Variants in CTDSPL2 observed in about 807,000 individuals in gnomAD.
CTDSPL2 encodes CTD small phosphatase like 2, also known as CTD small phosphatase-like protein 2.
CTDSPL2 carries 5 observed loss-of-function variants against 60.0 expected under a neutral mutation model. The observed-to-expected ratio is 0.08, with a 90% CI of 0.04 to 0.18. The LOEUF (loss-of-function observed/expected upper bound fraction) is 0.18, where lower values mean the gene tolerates loss of function less well. CTDSPL2 is among the 10% of genes least tolerant of loss of function. The probability of loss-of-function intolerance (pLI) is 1.00; values close to 1 mark genes in which losing one functional copy is unlikely to be tolerated. For missense variants in CTDSPL2, 370 were observed against 548.8 expected, an observed-to-expected ratio of 0.67 and a Z score of 3.26; for synonymous variants, 186 against 189.3, an observed-to-expected ratio of 0.98 and a Z score of 0.14.
intron 6 of CTDSPL2, among the ~76,000 whole-genome samples, chr15:44,496,696 A>G (rs919449551): frequency 1.3e-5 from 2 of 152,094 alleles, no homozygotes; most frequent in African/African-American, 4.8e-5. Context: ...CCTCGTCCCT[A>G]TAAAAAATAC....
At chr15:44,467,366 T>C (rs774714092) in intron 2 of CTDSPL2, among the ~76,000 whole-genome samples, 1 of 152,214 alleles carries the variant, frequency 6.6e-6, no homozygotes, top group Admixed American at 6.5e-5. Context: ...GTAGCAGTGG[T>C]GAGAACAACA....
In CTDSPL2 at chr15:44,444,008, T is replaced by A. The variant is rs564265858; in HGVS notation, c.-24-14983T>A. On this transcript the variant is annotated intron_variant, in intron 1 of 12. Coordinates refer to ENST00000260327, the MANE Select transcript of CTDSPL2 (RefSeq NM_016396.3). The stretch of plus-strand genomic sequence containing the variant: ...CTCTTGAACTCCTGAGTTCAAGGGA[T>A]CCTCCCACCTCAGCTTCCCAAGTAG... 3.6e-4 allele frequency among the ~76,000 whole-genome samples: 55 copies of A among 152,028 alleles called. No homozygotes were observed. The South Asian group carries it at 5.8e-3, about 16-fold the overall frequency.
At chr15:44,522,571 G>A (rs1324883864) in intron 12 of CTDSPL2, among the ~76,000 whole-genome samples, 1 of 151,972 alleles carries the variant, frequency 6.6e-6, no homozygotes, top group Non-Finnish European at 1.5e-5. Context: ...TGGCCAACAT[G>A]GTGAAACCCC....
chr15:44,442,987 A>G (rs2080123869), intron 1 of CTDSPL2, among the ~76,000 whole-genome samples: 2 of 152,054 alleles, frequency 1.3e-5, no homozygotes, highest in Non-Finnish European at 2.9e-5. Flanking sequence ...AAAAAAAAAA[A>G]AGAGATTTTG....
At chr15:44,475,654 A>T (rs1459401119) in intron 2 of CTDSPL2, among the ~76,000 whole-genome samples, 1 of 143,982 alleles carries the variant, frequency 6.9e-6, no homozygotes, top group East Asian at 2.0e-4. Context: ...AAAAAAAAAA[A>T]GATTCTTCAG....
chr15:44,516,744 CTT>C (rs1851028350), intron 10 of CTDSPL2: 2 of 152,316 alleles, frequency 1.3e-5, no homozygotes, highest in South Asian at 2.1e-4. Flanking sequence ...TAACAATCCT[CTT>C]TTAAACTAGA....
rs35160726 is a variant in CTDSPL2, at chr15:44,444,836, GTTTTTTTTTT to G, written c.-24-14134_-24-14125del. ...GCCTGGTGTTGAGATATGGAATGTA[GTTTTTTTTTT>G]TTTTTTTTTTTTTTTTTTTTAGACG... On this transcript the variant is annotated intron_variant, in intron 1 of 12. Coordinates refer to ENST00000260327, the MANE Select transcript of CTDSPL2 (RefSeq NM_016396.3). Among the ~76,000 whole-genome samples, 458 of 69,588 alleles carry G rather than the reference GTTTTTTTTTT, an allele frequency of 6.6e-3. 6 individuals are homozygous for G. The highest frequency in any genetic ancestry group is 0.026 in the African/African-American group (432 of 16,458). The allele number at this position is 69,588 out of a possible 152,430, so 45.7% of individuals were successfully genotyped here.
intron 1 of CTDSPL2, among the ~76,000 whole-genome samples, chr15:44,435,324 C>G (rs1351681947): frequency 6.6e-6 from 1 of 151,434 alleles, no homozygotes; most frequent in African/African-American, 2.4e-5. Flanking sequence ...AATCCCACCA[C>G]TCTGGGAGGC....
intron 3 of CTDSPL2, among the ~76,000 whole-genome samples, chr15:44,485,585 A>G (rs2081104019): frequency 6.6e-6 from 1 of 152,230 alleles, no homozygotes; most frequent in South Asian, 2.1e-4. Flanking sequence ...CAGATAAGGT[A>G]GTAGAGGCAG....
intron 1 of CTDSPL2, chr15:44,448,668 C>G (rs1158774939): frequency 3.0e-6 from 1 of 329,044 alleles, no homozygotes; most frequent in Non-Finnish European, 6.0e-6. Flanking sequence ...TAAATCCATG[C>G]CCTCCATTCT....
intron 1 of CTDSPL2, among the ~76,000 whole-genome samples, chr15:44,446,056 G>T (rs971665547): frequency 1.3e-4 from 20 of 150,962 alleles, no homozygotes; most frequent in Non-Finnish European, 2.5e-4. Flanking sequence ...CTCCCAAGTA[G>T]CTGGGACTAC....
chr15:44,444,837 T>TTTTTTG (rs1491113594), intron 1 of CTDSPL2, among the ~76,000 whole-genome samples: 2 of 77,994 alleles, frequency 2.6e-5, no homozygotes, highest in African/African-American at 1.5e-4. Flanking sequence ...TGGAATGTAG[T>TTTTTTG]TTTTTTTTTT....
intron 11 of CTDSPL2, chr15:44,521,102 G>T (rs1241822980): frequency 1.0e-5 from 3 of 299,842 alleles, no homozygotes; most frequent in Admixed American, 1.0e-4. Context: ...GAGAAGAAAT[G>T]ACACTGAAAA....
chr15:44,434,069 TTG>T (rs2079920852), intron 1 of CTDSPL2, among the ~76,000 whole-genome samples: 1 of 151,526 alleles, frequency 6.6e-6, no homozygotes, highest in African/African-American at 2.4e-5. Context: ...AGAAAAATCA[TTG>T]TTATTTATTT....
intron 2 of CTDSPL2, among the ~76,000 whole-genome samples, chr15:44,482,022 C>T (rs1395014636): frequency 3.3e-5 from 5 of 152,226 alleles, no homozygotes; most frequent in Non-Finnish European, 7.3e-5. Context: ...CTTAAAGCTT[C>T]ACTTTTCCCA....
At chr15:44,451,920 C>G (rs756841904) in intron 1 of CTDSPL2, among the ~76,000 whole-genome samples, 1 of 152,168 alleles carries the variant, frequency 6.6e-6, no homozygotes, top group Admixed American at 6.5e-5. Context: ...TCGGACCAAT[C>G]ATGAGCCCAA....
At chr15:44,448,910 C>A in intron 1 of CTDSPL2, 1 of 417,834 alleles carries the variant, frequency 2.4e-6, no homozygotes. Context: ...TGCACAGCTT[C>A]AGTGGACTGT....
At chr15:44,497,386 G>A (rs557444224) in intron 7 of CTDSPL2, among the ~76,000 whole-genome samples, 3 of 152,038 alleles carry the variant, frequency 2.0e-5, no homozygotes, top group Non-Finnish European at 4.4e-5. Flanking sequence ...ATTTTTTTGA[G>A]ATGGAGTCTC....
intron 1 of CTDSPL2, among the ~76,000 whole-genome samples, chr15:44,435,463 G>A (rs2079957934): frequency 1.3e-5 from 2 of 151,358 alleles, no homozygotes; most frequent in African/African-American, 2.4e-5. Context: ...CCAGCTACTC[G>A]GGAGGCTGAG....
Sources: allele counts gnomAD v4.1 joint callset (sites outside exome capture counted in the v4.1 genomes callset), GRCh38; gene constraint gnomAD v4.1.1; transcripts MANE v1.5; gene names NCBI Gene and HGNC (gene_info 2026-07-23, HGNC 2026-07-21).